RAPGEF5: variants seen among roughly 807,000 people sequenced by gnomAD.
RAPGEF5 encodes the protein Rap guanine nucleotide exchange factor 5.
In RAPGEF5, 65 loss-of-function variants were observed where a neutral mutation model predicts 125.2. The ratio of observed to expected loss-of-function variants is 0.52; its 90% CI spans 0.43 to 0.64. The LOEUF is 0.64. Among genes scored for constraint, RAPGEF5 ranks in the 30% least tolerant of loss-of-function variants. The pLI, the probability that RAPGEF5 is intolerant of heterozygous loss-of-function variation, is 0.00. For synonymous variants in RAPGEF5, 391 were observed against 385.9 expected (o/e 1.01, Z -0.16); for missense variants, 958 against 1,048.1 (o/e 0.91, Z 1.19).
chr7:22,226,490 C>T lies in RAPGEF5; in HGVS notation c.870+4356G>A, dbSNP rs373460979. On this transcript the variant is annotated intron_variant, in intron 8 of 25. Transcript: ENST00000665637. ...AAAAATAATAATAATTTTAGGGCAA[C>T]AAATATTCATTTTCTCAAATTTCTT... is the stretch of plus-strand genomic sequence containing the variant. Among the ~76,000 whole-genome samples the T allele has an allele frequency of 5.3e-5, 8 of 152,182 alleles. No individual in the cohort carries two copies. In the East Asian group the frequency reaches 1.3e-3, roughly 26 times the overall value.
chr7:22,125,496 TATG>T (rs1782709827), intron 25 of RAPGEF5, 105 bp downstream of exon 25: 2 of 1,035,462 alleles, frequency 1.9e-6, no homozygotes, highest in Non-Finnish European at 3.0e-6. Flanking sequence ...TGTATATACA[TATG>T]ATACTTTTCA....
At chr7:22,228,818 C>T (rs1583498858) in intron 8 of RAPGEF5, among the ~76,000 whole-genome samples, 1 of 151,960 alleles carries the variant, frequency 6.6e-6, no homozygotes, top group East Asian at 1.9e-4. Flanking sequence ...TGTTACTCGC[C>T]CAAGGTTACT....
chr7:22,344,899 C>T (rs1054846346), intron 1 of RAPGEF5, among the ~76,000 whole-genome samples: 2 of 152,252 alleles, frequency 1.3e-5, no homozygotes, highest in African/African-American at 4.8e-5. Flanking sequence ...AACAGCCAGG[C>T]ATACTCCTGA....
intron 9 of RAPGEF5, among the ~76,000 whole-genome samples, chr7:22,213,890 T>TG (rs1246313971): frequency 6.6e-6 from 1 of 152,208 alleles, no homozygotes; most frequent in African/African-American, 2.4e-5. Context: ...CAATTATAAG[T>TG]TTGAAAACAA....
At chr7:22,307,367 T>A (rs1449006417) in intron 5 of RAPGEF5, among the ~76,000 whole-genome samples, 4 of 152,164 alleles carry the variant, frequency 2.6e-5, no homozygotes, top group Non-Finnish European at 4.4e-5. Flanking sequence ...AGTACTGTTT[T>A]TTCTATTTCT....
intron 3 of RAPGEF5, 67 bp downstream of exon 3, chr7:22,315,303 T>A (rs1156574470): frequency 1.1e-5 from 16 of 1,504,172 alleles, no homozygotes. Context: ...AAGGTTACAA[T>A]TTTAACACAG....
At chr7:22,235,689 T>C (rs1258322950) in intron 7 of RAPGEF5, among the ~76,000 whole-genome samples, 1 of 152,130 alleles carries the variant, frequency 6.6e-6, no homozygotes, top group Non-Finnish European at 1.5e-5. Flanking sequence ...AGTTCTTCAT[T>C]ATCTAAATAA....
intron 5 of RAPGEF5, among the ~76,000 whole-genome samples, chr7:22,300,864 C>T (rs540691400): frequency 6.6e-6 from 1 of 152,300 alleles, no homozygotes; most frequent in African/African-American, 2.4e-5. Flanking sequence ...CACCCCACCC[C>T]ATCACACTCT....
intron 6 of RAPGEF5, among the ~76,000 whole-genome samples, chr7:22,290,723 C>T (rs112772238): frequency 1.5e-5 from 2 of 133,166 alleles, no homozygotes; most frequent in African/African-American, 2.9e-5. Context: ...CCAGCCTGGG[C>T]GACAGAGCGA....
At chr7:22,315,700 A>C (rs1028391213) in intron 2 of RAPGEF5, among the ~76,000 whole-genome samples, 3 of 151,850 alleles carry the variant, frequency 2.0e-5, no homozygotes, top group African/African-American at 7.2e-5. Flanking sequence ...TATGCTGCTA[A>C]GCTGTAACTA....
At chr7:22,338,720 C>A (rs549772759) in intron 1 of RAPGEF5, among the ~76,000 whole-genome samples, 1 of 152,194 alleles carries the variant, frequency 6.6e-6, no homozygotes, top group African/African-American at 2.4e-5. Context: ...TATTTAAAAG[C>A]CCATGTGCAA....
chr7:22,284,236 T>TTGAC (rs1312942080), intron 6 of RAPGEF5, among the ~76,000 whole-genome samples: 1 of 152,102 alleles, frequency 6.6e-6, no homozygotes, highest in Admixed American at 6.5e-5. Flanking sequence ...TTGACAGGTA[T>TTGAC]AGGTTTGTGA....
intron 25 of RAPGEF5, among the ~76,000 whole-genome samples, chr7:22,124,195 T>A (rs1156858733): frequency 1.3e-5 from 2 of 152,206 alleles, no homozygotes; most frequent in African/African-American, 4.8e-5. Context: ...GGAGCATATA[T>A]AAACTAGAGT....
intron 1 of RAPGEF5, among the ~76,000 whole-genome samples, chr7:22,339,959 G>A (rs1217005240): frequency 6.6e-6 from 1 of 152,190 alleles, no homozygotes; most frequent in African/African-American, 2.4e-5. Context: ...CTTTGCAACA[G>A]TTCCCCTTTT....
chr7:22,200,241 G>A (rs529321765), intron 9 of RAPGEF5, among the ~76,000 whole-genome samples: 55 of 151,896 alleles, frequency 3.6e-4, no homozygotes, highest in Non-Finnish European at 5.3e-4. Context: ...AATTTTATTC[G>A]AGAACAACCC....
At chr7:22,208,120 T>A (rs4719688) in intron 9 of RAPGEF5, among the ~76,000 whole-genome samples, 106,261 of 151,970 alleles carry the variant, frequency 0.7, 37,360 homozygotes, top group East Asian at 0.76. Context: ...AATGCCGGTA[T>A]CTTTGGGGCT....
chr7:22,251,523 G>A (rs1395841169), intron 7 of RAPGEF5, among the ~76,000 whole-genome samples: 2 of 152,230 alleles, frequency 1.3e-5, no homozygotes, highest in East Asian at 3.9e-4. Context: ...GGGAGTAGCT[G>A]CCCAGTCAAC....
intron 6 of RAPGEF5, among the ~76,000 whole-genome samples, chr7:22,281,970 T>A (rs1382674912): frequency 6.6e-6 from 1 of 152,238 alleles, no homozygotes; most frequent in African/African-American, 2.4e-5. Flanking sequence ...AGACTTCTGC[T>A]GAACAGAAAT....
chr7:22,155,942 G>A (rs367616948), intron 16 of RAPGEF5, among the ~76,000 whole-genome samples: 43 of 152,344 alleles, frequency 2.8e-4, no homozygotes, highest in Non-Finnish European at 4.7e-4. Flanking sequence ...GGCAAGGAAG[G>A]TCAGCAACGA....
Sources: allele counts gnomAD v4.1 joint callset (sites outside exome capture counted in the v4.1 genomes callset), GRCh38; gene constraint gnomAD v4.1.1; transcripts MANE v1.5; gene names NCBI Gene and HGNC (gene_info 2026-07-23, HGNC 2026-07-21).